The following SMIM10L3 variants were observed in gnomAD, a reference collection of about 807,000 sequenced individuals.
The protein encoded by SMIM10L3 is salivary gland specific protein SAGSIN1.
chr7:6,330,466 AT>A, the SMIM10L3 span: 1 of 1,614,182 alleles, frequency 6.2e-7, no homozygotes, highest in Non-Finnish European at 8.5e-7. Context: ...GCTTTTAAGC[AT>A]TTTCTTGAAT....
At chr7:6,333,844 T>C in the SMIM10L3 span, among the ~76,000 whole-genome samples, 1 of 146,548 alleles carries the variant, frequency 6.8e-6, no homozygotes, top group Non-Finnish European at 1.5e-5. Flanking sequence ...TGGCCTCTTT[T>C]TTTTTTTTTT....
the SMIM10L3 span, among the ~76,000 whole-genome samples, chr7:6,337,174 C>T: frequency 4.0e-5 from 6 of 151,856 alleles, no homozygotes; most frequent in Non-Finnish European, 5.9e-5. Context: ...CGCACTCAAG[C>T]GACTCTCCTG....
chr7:6,331,568 G>A, the SMIM10L3 span, among the ~76,000 whole-genome samples: 3 of 151,846 alleles, frequency 2.0e-5, no homozygotes, highest in Non-Finnish European at 4.4e-5. Context: ...TTTTAATAGA[G>A]ACAAGGTTTC....
At chr7:6,337,545 A>G in the SMIM10L3 span, among the ~76,000 whole-genome samples, 2 of 151,776 alleles carry the variant, frequency 1.3e-5, no homozygotes, top group Non-Finnish European at 2.9e-5. Context: ...AAGGTGAAAC[A>G]TTTCTAGAAT....
At chr7:6,341,316 G>T in the SMIM10L3 span, among the ~76,000 whole-genome samples, 1 of 147,926 alleles carries the variant, frequency 6.8e-6, no homozygotes, top group Admixed American at 6.8e-5. Flanking sequence ...GGTGGCGGGC[G>T]CCTGTAGTCC....
the SMIM10L3 span, among the ~76,000 whole-genome samples, chr7:6,339,719 C>A: frequency 6.6e-6 from 1 of 152,112 alleles, no homozygotes; most frequent in Admixed American, 6.6e-5. Flanking sequence ...GATCCACCCA[C>A]CTCAGCCTCC....
chr7:6,334,304 G>C, the SMIM10L3 span, among the ~76,000 whole-genome samples: 12 of 151,508 alleles, frequency 7.9e-5, no homozygotes, highest in Middle Eastern at 3.4e-3. Context: ...GGGAGGCCTA[G>C]CTGGGTGGAT....
At chr7:6,329,487 C>T in the SMIM10L3 span, 1 of 152,712 alleles carries the variant, frequency 6.5e-6, no homozygotes, top group East Asian at 1.9e-4. Flanking sequence ...TAGCACATGG[C>T]ATAGTAATTC....
chr7:6,331,360 A>G, the SMIM10L3 span: 1 of 615,584 alleles, frequency 1.6e-6, no homozygotes, highest in Non-Finnish European at 2.8e-6. Context: ...ACAGGGTTTC[A>G]CCATATTGGT....
chr7:6,342,339 G>T, the SMIM10L3 span, among the ~76,000 whole-genome samples: 6 of 151,946 alleles, frequency 3.9e-5, no homozygotes, highest in Non-Finnish European at 8.8e-5. Context: ...GAGCCCAGGA[G>T]CTGGAGACCA....
the SMIM10L3 span, chr7:6,330,850 G>A: frequency 1.2e-6 from 2 of 1,614,218 alleles, no homozygotes; most frequent in Non-Finnish European, 1.7e-6. Flanking sequence ...ACCCACGGCT[G>A]TGCTCGGAGT....
At chr7:6,333,432 C>T in the SMIM10L3 span, among the ~76,000 whole-genome samples, 7 of 152,160 alleles carry the variant, frequency 4.6e-5, no homozygotes, top group African/African-American at 1.2e-4. Flanking sequence ...GAGGCTGTTC[C>T]ACAGAGCAGG....
the SMIM10L3 span, among the ~76,000 whole-genome samples, chr7:6,333,062 C>A: frequency 6.6e-6 from 1 of 150,812 alleles, no homozygotes; most frequent in Admixed American, 6.6e-5. Flanking sequence ...GAGGCTGAAG[C>A]GAGAGAATTG....
the SMIM10L3 span, among the ~76,000 whole-genome samples, chr7:6,346,431 A>G: frequency 6.6e-6 from 1 of 152,118 alleles, no homozygotes; most frequent in Non-Finnish European, 1.5e-5. Context: ...CAGTGGCACA[A>G]TCTCGGCTCA....
the SMIM10L3 span, among the ~76,000 whole-genome samples, chr7:6,338,186 T>C: frequency 1.2e-4 from 19 of 152,328 alleles, no homozygotes; most frequent in East Asian, 1.7e-3. Context: ...CTGTTATACA[T>C]ATTACCTGTA....
chr7:6,341,956 C>T, the SMIM10L3 span: 5 of 151,862 alleles, frequency 3.3e-5, no homozygotes, highest in South Asian at 2.1e-4. Flanking sequence ...CAAGATCATA[C>T]CATTGCACTC....
chr7:6,344,105 G>A, the SMIM10L3 span, among the ~76,000 whole-genome samples: 11 of 149,678 alleles, frequency 7.3e-5, no homozygotes, highest in Non-Finnish European at 1.0e-4. Flanking sequence ...GGCTTCTCAA[G>A]CTCCTGGCCT....
the SMIM10L3 span, chr7:6,348,627 G>T: frequency 6.0e-6 from 3 of 501,650 alleles, no homozygotes; most frequent in South Asian, 6.2e-5. Context: ...AGGGGAAGTT[G>T]ATACGCAGCC....
the SMIM10L3 span, chr7:6,330,762 C>G: frequency 1.2e-6 from 2 of 1,614,154 alleles, no homozygotes; most frequent in Non-Finnish European, 1.7e-6. Flanking sequence ...GCCCTCCTCC[C>G]AGCCAGTCTC....
Sources: gnomAD v4.1 joint callset for allele counts (sites outside exome capture counted in the v4.1 genomes callset) on GRCh38, gnomAD v4.1.1 for gene constraint, MANE v1.5 for transcripts, NCBI Gene and HGNC (gene_info 2026-07-23, HGNC 2026-07-21) for gene names.